SCAPER: variants seen among roughly 807,000 people sequenced by gnomAD.
SCAPER encodes the protein S phase cyclin A-associated protein in the endoplasmic reticulum.
In SCAPER, 98 loss-of-function variants were observed where a neutral mutation model predicts 182.2. The ratio of observed to expected loss-of-function variants is 0.54; its 90% CI spans 0.46 to 0.64. The LOEUF is 0.64. Among genes scored for constraint, SCAPER ranks in the 30% least tolerant of loss-of-function variants. SCAPER has a pLI of 0.00. For missense variants in SCAPER, 1,432 were observed against 1,690.0 expected, an observed-to-expected ratio of 0.85 and a Z score of 2.68; for synonymous variants, 605 against 564.6, an observed-to-expected ratio of 1.07 and a Z score of -1.01.
intron 26 of SCAPER, among the ~76,000 whole-genome samples, chr15:76,421,501 T>A (rs1240771924): frequency 2.6e-5 from 4 of 152,126 alleles, no homozygotes; most frequent in South Asian, 2.1e-4. Flanking sequence ...GTTTGAGTTC[T>A]TTGTAGATTC....
intron 23 of SCAPER, among the ~76,000 whole-genome samples, chr15:76,547,249 GTTCTT>G: frequency 6.6e-6 from 1 of 152,216 alleles, no homozygotes; most frequent in Non-Finnish European, 1.5e-5. Flanking sequence ...GGACTAAAAT[GTTCTT>G]TTAAGTTCAT....
In SCAPER at chr15:76,862,472, C is replaced by T. The variant is rs749893431; in HGVS notation, c.68G>A (p.Arg23His). Residue 23 changes from arginine (R) to histidine (H), a missense_variant, in exon 3 of 32, where the codon CGT becomes CAT. Physicochemically the swap from Arg to His is conservative, Grantham distance 29. This residue lies in a region of SCAPER where 480 missense variants were observed against 510.2 expected (regional missense o/e 0.94). Coordinates refer to ENST00000563290, the MANE Select transcript of SCAPER (RefSeq NM_020843.4). ...CCAAGCTATTAGGTTTCTTGCTGTA[C>T]GACCCTCCTCTGCAACTATTCTCCT... ...KVRRIVAEEG[R>H]TARNLIAWSV... The T allele has an allele frequency of 7.4e-6, 12 of 1,613,156 alleles. No homozygotes were observed. The highest frequency in any genetic ancestry group is 2.2e-5 in the South Asian group (2 of 91,036).
intron 22 of SCAPER, among the ~76,000 whole-genome samples, chr15:76,591,564 T>C (rs1055322211): frequency 6.6e-6 from 1 of 152,164 alleles, no homozygotes; most frequent in African/African-American, 2.4e-5. Context: ...TGGGCTCAAG[T>C]GAGTCTCCCA....
intron 1 of SCAPER, among the ~76,000 whole-genome samples, chr15:76,887,261 C>T (rs1392493357): frequency 1.3e-5 from 2 of 152,172 alleles, no homozygotes; most frequent in Non-Finnish European, 2.9e-5. Context: ...GTGATTTCTG[C>T]GTTTCCAACT....
intron 26 of SCAPER, among the ~76,000 whole-genome samples, chr15:76,415,433 T>C (rs1469273575): frequency 2.0e-5 from 3 of 152,132 alleles, no homozygotes; most frequent in Non-Finnish European, 4.4e-5. Context: ...TACTACCTCA[T>C]TGCTTGAAAT....
chr15:76,891,847 CAA>C (rs1488990681), intron 1 of SCAPER, among the ~76,000 whole-genome samples: 1 of 151,882 alleles, frequency 6.6e-6, no homozygotes, highest in South Asian at 2.1e-4. Context: ...CATATGGAAC[CAA>C]AAAAGAGCCT....
intron 22 of SCAPER, among the ~76,000 whole-genome samples, chr15:76,607,441 C>T (rs966138641): frequency 6.6e-6 from 1 of 152,156 alleles, no homozygotes; most frequent in Non-Finnish European, 1.5e-5. Context: ...TCTCTGGCTG[C>T]TCTTAACATT....
chr15:76,404,634 G>A lies in SCAPER; in HGVS notation c.3357C>T (p.Phe1119=), dbSNP rs762196871. 1.2e-6 allele frequency: 2 copies of A among 1,613,132 alleles called. No individual in the cohort carries two copies. The highest frequency in any genetic ancestry group is 1.7e-6 in the Non-Finnish European group (2 of 1,179,766). ...MGLIDKLCAC[F]LSVQGPVDEN... ...CATCCACTGGGCCTTGCACCGAGAG[G>A]AAGCAGGCACACAGTTTGTCAATCA... Residue 1119 remains phenylalanine, a synonymous_variant, in exon 27 of 32, where the codon TTC becomes TTT. Transcript: ENST00000563290.
chr15:76,793,508 A>G, intron 8 of SCAPER: 4 of 464,654 alleles, frequency 8.6e-6, no homozygotes, highest in Non-Finnish European at 1.5e-5. Flanking sequence ...GGTTTAATCA[A>G]TCATGCCTAG....
chr15:76,392,906 C>T lies in SCAPER; in HGVS notation c.3468-11291G>A, dbSNP rs57026560. On this transcript the variant is annotated intron_variant, in intron 27 of 31. Coordinates refer to ENST00000563290, the MANE Select transcript of SCAPER (RefSeq NM_020843.4). ...ACACATTCTGCTCCTCTAAACCCTG[C>T]ATGTTGAGGCCATCATCCCTTGTCC... Among the ~76,000 whole-genome samples the T allele has an allele frequency of 4.3e-3, 662 of 152,320 alleles. 7 individuals are homozygous for T. Among genetic ancestry groups the T allele is most frequent in the African/African-American group, 0.015 (630 of 41,582 alleles).
chr15:76,721,689 T>A (rs994281725), intron 17 of SCAPER, among the ~76,000 whole-genome samples: 4 of 152,010 alleles, frequency 2.6e-5, no homozygotes, highest in Non-Finnish European at 5.9e-5. Flanking sequence ...TTTGAAGCAA[T>A]TGTGAATGGG....
rs754446852 is a variant in SCAPER, at chr15:76,775,066, C to T, written c.824G>A (p.Arg275His). 25 of 1,613,570 alleles carry T rather than the reference C, an allele frequency of 1.5e-5. No homozygotes were observed. The highest frequency in any genetic ancestry group is 3.3e-5 in the South Asian group (3 of 91,076). ...WETVQRGRPI[R>H]SRSTAVMPKV... ...TGGCATCACTGCTGTTGATCGAGAA[C>T]GAATAGGCCTTCCTCTCTGAACGGT... Residue 275 changes from arginine (R) to histidine (H), a missense_variant, in exon 9 of 32, where the codon CGT (arginine) becomes CAT (histidine). By Grantham distance (29) the Arg-to-His change is conservative. Coordinates refer to ENST00000563290, the MANE Select transcript of SCAPER (RefSeq NM_020843.4).
intron 24 of SCAPER, among the ~76,000 whole-genome samples, chr15:76,483,786 A>C (rs189435196): frequency 5.3e-5 from 8 of 152,326 alleles, no homozygotes; most frequent in African/African-American, 1.9e-4. Context: ...TTACAAATTA[A>C]AACAAGATGC....
intron 20 of SCAPER, among the ~76,000 whole-genome samples, chr15:76,700,263 C>T (rs765001152): frequency 2.6e-5 from 4 of 152,182 alleles, no homozygotes; most frequent in African/African-American, 7.2e-5. Flanking sequence ...GAGGGTTGAG[C>T]ATCTCTGGCT....
intron 25 of SCAPER, among the ~76,000 whole-genome samples, chr15:76,466,416 C>CTT (rs1268592485): frequency 1.1e-3 from 41 of 36,762 alleles, no homozygotes; most frequent in African/African-American, 1.2e-3. Context: ...TTGGTTGGTT[C>CTT]TTCTTTTTTT....
intron 23 of SCAPER, among the ~76,000 whole-genome samples, chr15:76,538,201 C>T (rs1442712704): frequency 6.9e-6 from 1 of 145,076 alleles, no homozygotes; most frequent in Non-Finnish European, 1.5e-5. Flanking sequence ...TTTGACCCAG[C>T]CATCCCATTA....
At chr15:76,478,279 A>G (rs2050819988) in intron 24 of SCAPER, among the ~76,000 whole-genome samples, 1 of 152,012 alleles carries the variant, frequency 6.6e-6, no homozygotes, top group African/African-American at 2.4e-5. Flanking sequence ...AAAATAACTT[A>G]CTAAGATTAT....
At chr15:76,534,645 C>T (rs1011334001) in intron 23 of SCAPER, among the ~76,000 whole-genome samples, 1 of 152,078 alleles carries the variant, frequency 6.6e-6, no homozygotes, top group Non-Finnish European at 1.5e-5. Context: ...TCTTTCATTT[C>T]CTCTATTCTA....
intron 22 of SCAPER, among the ~76,000 whole-genome samples, chr15:76,606,324 A>G (rs902609215): frequency 5.3e-5 from 8 of 152,088 alleles, no homozygotes; most frequent in Non-Finnish European, 1.2e-4. Context: ...CATGTAGTTG[A>G]GCGGTTTTGA....
Sources: allele counts gnomAD v4.1 joint callset (sites outside exome capture counted in the v4.1 genomes callset), GRCh38; gene constraint gnomAD v4.1.1; regional missense constraint gnomAD v4.1.1; transcripts MANE v1.5; gene names NCBI Gene and HGNC (gene_info 2026-07-23, HGNC 2026-07-21).